The following HSPBAP1 variants were observed in gnomAD, a reference collection of about 807,000 sequenced individuals.
HSPBAP1 encodes HSPB1-associated protein 1.
A neutral mutation model predicts 45.2 loss-of-function variants in HSPBAP1; 27 were observed. The ratio of observed to expected loss-of-function variants is 0.60; its 90% CI spans 0.44 to 0.82. HSPBAP1 has a LOEUF of 0.82. Among genes scored for constraint, HSPBAP1 ranks in the 40% least tolerant of loss-of-function variants. HSPBAP1 has a pLI of 0.00. For synonymous variants in HSPBAP1, 204 were observed against 202.7 expected, an observed-to-expected ratio of 1.01 and a Z score of -0.06; for missense variants, 510 against 590.9, an observed-to-expected ratio of 0.86 and a Z score of 1.42.
intron 6 of HSPBAP1, among the ~76,000 whole-genome samples, chr3:122,743,311 T>C (rs1006970319): frequency 1.3e-5 from 2 of 152,220 alleles, no homozygotes; most frequent in African/African-American, 4.8e-5. Context: ...GGCTCACACC[T>C]GTAATCCTGG....
chr3:122,776,691 T>C (rs188701022), intron 2 of HSPBAP1, among the ~76,000 whole-genome samples: 1 of 152,354 alleles, frequency 6.6e-6, no homozygotes, highest in East Asian at 1.9e-4. Flanking sequence ...TTATTGCTGC[T>C]GGTCTAAATT....
At chr3:122,792,272 C>T (rs1180625716) in intron 1 of HSPBAP1, among the ~76,000 whole-genome samples, 1 of 152,060 alleles carries the variant, frequency 6.6e-6, no homozygotes, top group South Asian at 2.1e-4. Flanking sequence ...TTCAGGCCCA[C>T]GGGTGCAGGT....
At chr3:122,750,387 A>G (rs546323630) in intron 6 of HSPBAP1, among the ~76,000 whole-genome samples, 20 of 152,368 alleles carry the variant, frequency 1.3e-4, no homozygotes, top group African/African-American at 4.3e-4. Context: ...TTTATAGTTC[A>G]TAAGTCTGAT....
At chr3:122,791,624 G>A (rs1935832830) in intron 1 of HSPBAP1, among the ~76,000 whole-genome samples, 1 of 152,312 alleles carries the variant, frequency 6.6e-6, no homozygotes, top group African/African-American at 2.4e-5. Context: ...GAACATCTAG[G>A]GTTGGGGGGT....
intron 1 of HSPBAP1, among the ~76,000 whole-genome samples, chr3:122,785,410 T>G (rs1935619817): frequency 6.6e-6 from 1 of 152,198 alleles, no homozygotes; most frequent in South Asian, 2.1e-4. Flanking sequence ...CCATCCCTGA[T>G]ATCTGATCAG....
intron 6 of HSPBAP1, among the ~76,000 whole-genome samples, chr3:122,743,636 G>C (rs970736329): frequency 6.6e-6 from 1 of 152,094 alleles, no homozygotes; most frequent in African/African-American, 2.4e-5. Flanking sequence ...CCTAGGAATG[G>C]AATTGCTGGG....
chr3:122,745,753 T>C (rs1177157109), intron 6 of HSPBAP1, among the ~76,000 whole-genome samples: 2 of 152,234 alleles, frequency 1.3e-5, no homozygotes, highest in African/African-American at 4.8e-5. Flanking sequence ...CATAAAGTGC[T>C]TCCTTTAAGT....
intron 6 of HSPBAP1, among the ~76,000 whole-genome samples, chr3:122,747,581 G>A (rs1274059341): frequency 6.7e-6 from 1 of 149,494 alleles, no homozygotes; most frequent in Non-Finnish European, 1.5e-5. Flanking sequence ...CGGGAGGGAG[G>A]TGGGGGGTCA....
At chr3:122,786,954 C>G (rs541135095) in intron 1 of HSPBAP1, among the ~76,000 whole-genome samples, 1 of 152,258 alleles carries the variant, frequency 6.6e-6, no homozygotes, top group African/African-American at 2.4e-5. Flanking sequence ...CAATGCTACC[C>G]TGTATTAGTT....
At chr3:122,773,269 G>C (rs537296539) in intron 2 of HSPBAP1, among the ~76,000 whole-genome samples, 3 of 147,534 alleles carry the variant, frequency 2.0e-5, no homozygotes, top group South Asian at 4.3e-4. Context: ...AAACATGAAC[G>C]TATGTTCAAC....
At chr3:122,777,213 T>C (rs1056428783) in intron 2 of HSPBAP1, among the ~76,000 whole-genome samples, 8 of 152,152 alleles carry the variant, frequency 5.3e-5, no homozygotes, top group African/African-American at 1.9e-4. Context: ...TGTTTCATGT[T>C]TGTGCAATGC....
At chr3:122,748,976 G>A (rs1328800898) in intron 6 of HSPBAP1, among the ~76,000 whole-genome samples, 3 of 151,896 alleles carry the variant, frequency 2.0e-5, no homozygotes, top group Non-Finnish European at 4.4e-5. Context: ...AAAAAGCAAG[G>A]TATGGAACAC....
chr3:122,785,065 C>A (rs943004415), intron 1 of HSPBAP1, among the ~76,000 whole-genome samples: 1 of 152,198 alleles, frequency 6.6e-6, no homozygotes, highest in Non-Finnish European at 1.5e-5. Flanking sequence ...TTCCACTGCA[C>A]AATCCTATTT....
intron 1 of HSPBAP1, among the ~76,000 whole-genome samples, chr3:122,787,159 A>G (rs530196760): frequency 2.6e-5 from 4 of 152,230 alleles, no homozygotes; most frequent in Non-Finnish European, 5.9e-5. Context: ...GTGTTACCCA[A>G]TAGTTTTTTC....
At chr3:122,782,523 T>TA (rs958602924) in intron 1 of HSPBAP1, among the ~76,000 whole-genome samples, 45 of 151,960 alleles carry the variant, frequency 3.0e-4, no homozygotes, top group Non-Finnish European at 8.8e-5. Flanking sequence ...TTGGGAGGTT[T>TA]AAAAAACCTC....
Position 122,793,534 on chromosome 3 carries a change from G to A in HSPBAP1, c.64+83C>T, listed in dbSNP as rs188199601. The A allele has an allele frequency of 4.7e-6, 6 of 1,268,296 alleles. No individual in the cohort carries two copies. The African/African-American group carries it at 8.8e-5, about 19-fold the overall frequency. 78.6% of individuals were successfully genotyped at this position (1,268,296 alleles called of 1,614,324 possible). ...CCAGAGAGACCTGGGTTGGGGCTAA[G>A]GCAAACGGCCCCACGAGGGGTGCCA... is the stretch of plus-strand genomic sequence containing the variant. On this transcript the variant is annotated intron_variant, in intron 1 of 7. Transcript: ENST00000306103.
At chr3:122,781,013 C>G (rs1183586392) in intron 1 of HSPBAP1, among the ~76,000 whole-genome samples, 1 of 148,734 alleles carries the variant, frequency 6.7e-6, no homozygotes, top group Admixed American at 6.7e-5. Context: ...CGGGAAGAGG[C>G]GCTCCTCACT....
chr3:122,792,670 C>G (rs148405718), intron 1 of HSPBAP1, among the ~76,000 whole-genome samples: 1 of 151,938 alleles, frequency 6.6e-6, no homozygotes, highest in Non-Finnish European at 1.5e-5. Context: ...GTCAAGAGAG[C>G]GAGACCATCC....
intron 6 of HSPBAP1, 171 bp from the exon 7 acceptor site, chr3:122,741,284 G>C: frequency 1.2e-5 from 7 of 597,706 alleles, no homozygotes; most frequent in Non-Finnish European, 2.1e-5. Context: ...ACTATCACCT[G>C]CCATCTAGAA....
Sources: gnomAD v4.1 joint callset for allele counts (sites outside exome capture counted in the v4.1 genomes callset) on GRCh38, gnomAD v4.1.1 for gene constraint, MANE v1.5 for transcripts, NCBI Gene and HGNC (gene_info 2026-07-23, HGNC 2026-07-21) for gene names.